The following INSL6 variants were observed in gnomAD, a reference collection of about 807,000 sequenced individuals.
INSL6 encodes insulin like 6.
A neutral mutation model predicts 9.4 loss-of-function variants in INSL6; 16 were observed. That is an observed-to-expected ratio of 1.70 (90% CI 1.15 to 2.59). The LOEUF (loss-of-function observed/expected upper bound fraction) is 2.59. Among genes scored for constraint, INSL6 ranks in the 30% most tolerant of loss-of-function variants. The pLI is 0.00. For missense variants in INSL6, 391 were observed against 257.3 expected, an observed-to-expected ratio of 1.52 and a Z score of -3.56; for synonymous variants, 154 against 96.9, an observed-to-expected ratio of 1.59 and a Z score of -3.46.
At chr9:5,090,255 C>T in the INSL6 span, among the ~76,000 whole-genome samples, 4 of 152,160 alleles carry the variant, frequency 2.6e-5, no homozygotes, top group African/African-American at 4.8e-5. Flanking sequence ...AGTTTCAAAG[C>T]TTTTATTCAT....
Position 5,130,903 on chromosome 9 carries a change from TA to T in INSL6, c.*10+2521del, listed in dbSNP as rs1824264434. ...GCCACTACACCCGGCTAATTTTTTG[TA>T]TTTTTTAGTAGAGACGGGGTTTCAC... On this transcript the variant is annotated intron_variant, in intron 3 of 3. Transcript: ENST00000649639. 2.0e-5 allele frequency among the ~76,000 whole-genome samples: 3 copies of T among 150,914 alleles called. No individual in the cohort carries two copies. In the South Asian group the frequency reaches 6.3e-4, roughly 32 times the overall value.
the INSL6 span, chr9:5,021,911 G>A: frequency 9.4e-7 from 1 of 1,062,058 alleles, no homozygotes; most frequent in Non-Finnish European, 1.4e-6. Context: ...AGGATTACAG[G>A]TGTGAGACAC....
the INSL6 span, among the ~76,000 whole-genome samples, chr9:5,037,611 A>T: frequency 6.6e-6 from 1 of 152,226 alleles, no homozygotes; most frequent in Non-Finnish European, 1.5e-5. Flanking sequence ...GCAAGGACAA[A>T]AAACCAAACA....
At chr9:5,108,099 TCTG>T in the INSL6 span, 1 of 152,158 alleles carries the variant, frequency 6.6e-6, no homozygotes, top group East Asian at 1.9e-4. Context: ...TCTCTTCTGA[TCTG>T]CTGATGTCAC....
the INSL6 span, among the ~76,000 whole-genome samples, chr9:5,026,513 A>C: frequency 6.6e-6 from 1 of 152,200 alleles, no homozygotes; most frequent in Non-Finnish European, 1.5e-5. Context: ...TCTACAGTGG[A>C]AAATAGTGAA....
At chr9:5,042,212 A>G in the INSL6 span, among the ~76,000 whole-genome samples, 4 of 141,126 alleles carry the variant, frequency 2.8e-5, no homozygotes, top group Non-Finnish European at 6.0e-5. Context: ...ATCTCGGCTC[A>G]CTGCAAGCTC....
the INSL6 span, chr9:5,110,952 CA>C: frequency 1.7e-6 from 1 of 593,834 alleles, no homozygotes; most frequent in Non-Finnish European, 3.2e-6. Flanking sequence ...TGGACACGGA[CA>C]AGGAGCTCAG....
the INSL6 span, among the ~76,000 whole-genome samples, chr9:5,023,827 T>C: frequency 1.3e-5 from 2 of 151,348 alleles, no homozygotes. Context: ...AAAGTCTGTA[T>C]TTTTTGTTGT....
the INSL6 span, among the ~76,000 whole-genome samples, chr9:5,076,588 A>T: frequency 1.3e-5 from 2 of 152,168 alleles, no homozygotes; most frequent in African/African-American, 4.8e-5. Context: ...TGTATATACA[A>T]GTTTTATATG....
chr9:5,014,160 CTT>C, the INSL6 span, among the ~76,000 whole-genome samples: 2 of 136,362 alleles, frequency 1.5e-5, no homozygotes, highest in African/African-American at 2.7e-5. Flanking sequence ...TTTATTTACT[CTT>C]TCTTTTTTTT....
chr9:5,060,163 CTAA>C, the INSL6 span, among the ~76,000 whole-genome samples: 2 of 152,112 alleles, frequency 1.3e-5, no homozygotes, highest in Non-Finnish European at 2.9e-5. Context: ...CTAAAAAATC[CTAA>C]TGATAATCTG....
At chr9:5,094,731 G>A in the INSL6 span, 2 of 152,018 alleles carry the variant, frequency 1.3e-5, no homozygotes, top group African/African-American at 4.8e-5. Flanking sequence ...AAGTTCATTT[G>A]CCCTCTTCTT....
chr9:5,163,832 C>G, downstream of INSL6: 1 of 895,572 alleles, frequency 1.1e-6, no homozygotes, highest in Non-Finnish European at 1.7e-6. Context: ...CATCATATCA[C>G]TTATATGCAC....
rs752909778 is a variant in INSL6 at position 5,185,614 on chromosome 9, C to A, written c.-12G>T. On this transcript the variant is annotated 5_prime_UTR_variant, in exon 1 of 2. Coordinates refer to ENST00000381641, the MANE Select transcript of INSL6 (RefSeq NM_007179.3). ...AGGAGCCGCGGCATCCCTGTGACCC[C>A]AGGCTAGTCCTCCGCGTTGTGCAAT... 1.2e-5 allele frequency: 20 copies of A among 1,607,058 alleles called. No homozygotes were observed. Among genetic ancestry groups the A allele is most frequent in the Non-Finnish European group, 1.6e-5 (19 of 1,177,916 alleles).
chr9:5,086,035 G>A, the INSL6 span: 1 of 766,596 alleles, frequency 1.3e-6, no homozygotes, highest in Non-Finnish European at 2.4e-6. Context: ...GGACAGGCAG[G>A]TGTTAAATGC....
At chr9:5,086,497 C>G in the INSL6 span, among the ~76,000 whole-genome samples, 8 of 152,154 alleles carry the variant, frequency 5.3e-5, no homozygotes, top group South Asian at 1.7e-3. Flanking sequence ...CCATCATTAG[C>G]TAACATCTTG....
the INSL6 span, chr9:5,114,143 T>G: frequency 2.5e-6 from 1 of 394,548 alleles, no homozygotes; most frequent in Admixed American, 3.3e-5. Flanking sequence ...GTAACACCTT[T>G]GAGGACAGTG....
the INSL6 span, among the ~76,000 whole-genome samples, chr9:5,076,280 T>C: frequency 6.6e-6 from 1 of 152,160 alleles, no homozygotes; most frequent in South Asian, 2.1e-4. Context: ...AGTTCTACTG[T>C]GGGTAGAAGG....
the INSL6 span, chr9:5,110,806 G>A: frequency 9.4e-6 from 4 of 423,642 alleles, no homozygotes; most frequent in Admixed American, 3.2e-5. Context: ...CGACGCCTGG[G>A]GGCCCTGCTG....
Sources: allele counts gnomAD v4.1 joint callset (sites outside exome capture counted in the v4.1 genomes callset), GRCh38; gene constraint gnomAD v4.1.1; transcripts MANE v1.5; gene names NCBI Gene and HGNC (gene_info 2026-07-23, HGNC 2026-07-21).